Variants in KANK1 observed in about 807,000 individuals in gnomAD.
KANK1 encodes the protein KN motif and ankyrin repeat domain-containing protein 1.
KANK1 carries 109 observed loss-of-function variants against 106.2 expected under a neutral mutation model. The ratio of observed to expected loss-of-function variants is 1.03; its 90% CI spans 0.88 to 1.20. The LOEUF (loss-of-function observed/expected upper bound fraction) is 1.20. Among genes scored for constraint, KANK1 ranks in the 50% most tolerant of loss-of-function variants. KANK1 has a pLI of 0.00. For missense variants in KANK1, 2,399 were observed against 1,710.7 expected (o/e 1.40, Z -7.10); for synonymous variants, 873 against 652.2 (o/e 1.34, Z -5.16).
intron 3 of KANK1, among the ~76,000 whole-genome samples, chr9:728,911 C>G (rs1444039827): frequency 6.6e-6 from 1 of 152,178 alleles, no homozygotes; most frequent in Non-Finnish European, 1.5e-5. Flanking sequence ...CTAGTGTATA[C>G]CTTACATGCA....
chr9:660,620 T>C (rs1843078221), intron 1 of KANK1, among the ~76,000 whole-genome samples: 1 of 152,120 alleles, frequency 6.6e-6, no homozygotes, highest in South Asian at 2.1e-4. Flanking sequence ...CCTAAGATCA[T>C]AGACAACTAC....
intron 3 of KANK1, among the ~76,000 whole-genome samples, chr9:480,868 C>A (rs111428459): frequency 9.9e-5 from 15 of 152,248 alleles, no homozygotes; most frequent in African/African-American, 3.4e-4. Flanking sequence ...GAAAGTGGAC[C>A]AGACTGCAGA....
At chr9:605,441 G>A (rs1174063693) in intron 1 of KANK1, among the ~76,000 whole-genome samples, 1 of 151,780 alleles carries the variant, frequency 6.6e-6, no homozygotes, top group Non-Finnish European at 1.5e-5. Context: ...CATCAGGAAG[G>A]GCTTCCTGGA....
intron 3 of KANK1, among the ~76,000 whole-genome samples, chr9:714,503 G>A (rs1175553079): frequency 6.6e-6 from 1 of 151,672 alleles, no homozygotes. Context: ...GGGACTACAG[G>A]TGCCCACCAC....
At chr9:655,119 C>T (rs189871499) in intron 1 of KANK1, among the ~76,000 whole-genome samples, 1 of 152,230 alleles carries the variant, frequency 6.6e-6, no homozygotes, top group African/African-American at 2.4e-5. Context: ...CCTGTAACCC[C>T]AGCACTCTAG....
intron 2 of KANK1, among the ~76,000 whole-genome samples, chr9:683,828 A>G (rs528183927): frequency 6.0e-4 from 91 of 152,236 alleles, no homozygotes; most frequent in Non-Finnish European, 8.7e-4. Context: ...GCATTTAATT[A>G]GATTATGCAT....
intron 1 of KANK1, among the ~76,000 whole-genome samples, chr9:524,140 C>G (rs957563158): frequency 2.0e-5 from 3 of 151,814 alleles, no homozygotes; most frequent in Non-Finnish European, 4.4e-5. Flanking sequence ...CCCAACTTAC[C>G]TGATTCCCTC....
Position 727,680 on chromosome 9 carries a change from ATGTGTG to A in KANK1, c.2699-2339_2699-2334del, listed in dbSNP as rs55997819. The stretch of plus-strand genomic sequence containing the variant: ...TTAGCACAGAGTCAGATAACTTTTC[ATGTGTG>A]TGTGTGTGTGTGTGTGTGTGTGTGT... On this transcript the variant is annotated intron_variant, in intron 3 of 11. Coordinates refer to ENST00000382297, the MANE Select transcript of KANK1 (RefSeq NM_015158.5). Among the ~76,000 whole-genome samples the A allele has an allele frequency of 8.8e-3, 1,227 of 139,750 alleles. 13 individuals carry two copies. Among genetic ancestry groups the A allele is most frequent in the African/African-American group, 0.024 (897 of 37,658 alleles). 91.7% of individuals were successfully genotyped at this position (139,750 alleles called of 152,430 possible).
At chr9:596,591 G>A (rs779555568) in intron 1 of KANK1, among the ~76,000 whole-genome samples, 27 of 151,670 alleles carry the variant, frequency 1.8e-4, no homozygotes, top group Admixed American at 3.3e-4. Flanking sequence ...GAGAGGCAAC[G>A]GGATTCAGAA....
intron 2 of KANK1, among the ~76,000 whole-genome samples, chr9:702,766 T>G (rs546518090): frequency 5.3e-5 from 8 of 152,244 alleles, no homozygotes; most frequent in African/African-American, 1.9e-4. Context: ...TGCTCCAGGA[T>G]GTGAGATTGG....
chr9:520,377 C>T (rs2059490747), intron 1 of KANK1, among the ~76,000 whole-genome samples: 1 of 151,298 alleles, frequency 6.6e-6, no homozygotes, highest in Non-Finnish European at 1.5e-5. Context: ...GTGACCAGTT[C>T]ATTCATAGTT....
intron 1 of KANK1, among the ~76,000 whole-genome samples, chr9:543,388 T>C (rs2060726997): frequency 6.6e-6 from 1 of 151,870 alleles, no homozygotes; most frequent in Non-Finnish European, 1.5e-5. Flanking sequence ...AAACCCCATG[T>C]CTATTAAAAC....
chr9:470,496 G>C (rs888513135), intron 1 of KANK1: 1 of 152,466 alleles, frequency 6.6e-6, no homozygotes, highest in African/African-American at 2.4e-5. Flanking sequence ...GCATAGACCT[G>C]AAATCTCCTT....
intron 1 of KANK1, among the ~76,000 whole-genome samples, chr9:514,616 A>C (rs1417245431): frequency 6.6e-6 from 1 of 151,536 alleles, no homozygotes; most frequent in Non-Finnish European, 1.5e-5. Context: ...AGATTGATCC[A>C]TGTTGTATGT....
chr9:629,321 C>G (rs568300513), intron 1 of KANK1, among the ~76,000 whole-genome samples: 124 of 152,232 alleles, frequency 8.1e-4, no homozygotes, highest in African/African-American at 2.8e-3. Flanking sequence ...AAGACAAAAA[C>G]CAGAGTGGGT....
At chr9:660,481 A>G (rs573712560) in intron 1 of KANK1, among the ~76,000 whole-genome samples, 69 of 152,324 alleles carry the variant, frequency 4.5e-4, no homozygotes, top group African/African-American at 1.6e-3. Flanking sequence ...TCCTTCATGC[A>G]GTAAACTTGA....
chr9:573,010 G>C (rs1185502226), intron 1 of KANK1, among the ~76,000 whole-genome samples: 1 of 151,986 alleles, frequency 6.6e-6, no homozygotes, highest in African/African-American at 2.4e-5. Context: ...TTTTCTTCTG[G>C]CATGCTTTGT....
chr9:669,468 T>C (rs75861919), intron 1 of KANK1, among the ~76,000 whole-genome samples: 8,113 of 152,212 alleles, frequency 0.053, 237 homozygotes, highest in African/African-American at 0.066. Flanking sequence ...TTGAAGGATA[T>C]TTCTGCTGTT....
chr9:546,708 T>G (rs780359603), intron 1 of KANK1, among the ~76,000 whole-genome samples: 2 of 151,818 alleles, frequency 1.3e-5, no homozygotes, highest in African/African-American at 4.8e-5. Context: ...AAGGCAATCT[T>G]GTGTCCTTAT....
Sources: allele counts gnomAD v4.1 joint callset (sites outside exome capture counted in the v4.1 genomes callset), GRCh38; gene constraint gnomAD v4.1.1; transcripts MANE v1.5; gene names NCBI Gene and HGNC (gene_info 2026-07-23, HGNC 2026-07-21).